The following ABI1 variants were observed in gnomAD, a reference collection of about 807,000 sequenced individuals.
ABI1 encodes Abelson interactor 1.
A neutral mutation model predicts 54.6 loss-of-function variants in ABI1; 14 were observed. The observed-to-expected ratio is 0.26, with a 90% CI of 0.17 to 0.40. The LOEUF (loss-of-function observed/expected upper bound fraction) is 0.40, where lower values mean the gene tolerates loss of function less well. ABI1 is among the 10% of genes least tolerant of loss of function. The pLI, the probability that ABI1 is intolerant of heterozygous loss-of-function variation, is 1.00. For synonymous variants in ABI1, 194 were observed against 209.3 expected, an observed-to-expected ratio of 0.93 and a Z score of 0.63; for missense variants, 443 against 598.3, an observed-to-expected ratio of 0.74 and a Z score of 2.71.
chr10:26,768,052 G>C (rs1392424562), intron 6 of ABI1, among the ~76,000 whole-genome samples: 1 of 150,768 alleles, frequency 6.6e-6, no homozygotes, highest in Non-Finnish European at 1.5e-5. Context: ...TCTCCAAAAA[G>C]ATAATAATAA....
chr10:26,773,668 C>A (rs1484633505), intron 3 of ABI1, among the ~76,000 whole-genome samples: 1 of 152,118 alleles, frequency 6.6e-6, no homozygotes, highest in African/African-American at 2.4e-5. Flanking sequence ...TGAGACGGCT[C>A]CAGCATTCTG....
At chr10:26,839,962 C>A (rs1430817517) in intron 1 of ABI1, among the ~76,000 whole-genome samples, 6 of 151,912 alleles carry the variant, frequency 3.9e-5, no homozygotes, top group African/African-American at 1.2e-4. Context: ...TGCACTCCAG[C>A]CGGGGTGACA....
At chr10:26,837,428 C>G (rs562993554) in intron 1 of ABI1, among the ~76,000 whole-genome samples, 136 of 144,456 alleles carry the variant, frequency 9.4e-4, no homozygotes, top group African/African-American at 3.0e-3. Flanking sequence ...GGCCCTAGCT[C>G]CAACACAGTC....
intron 1 of ABI1, among the ~76,000 whole-genome samples, chr10:26,847,303 C>T (rs2050054150): frequency 1.3e-5 from 2 of 152,100 alleles, no homozygotes; most frequent in Non-Finnish European, 2.9e-5. Flanking sequence ...AGAGTTATCA[C>T]CAGTTTGTCT....
chr10:26,842,976 G>A lies in ABI1; in HGVS notation c.117+17771C>T, dbSNP rs148667905. Among the ~76,000 whole-genome samples, 59 of 152,194 alleles carry A rather than the reference G, an allele frequency of 3.9e-4. No homozygotes were observed. The East Asian group carries it at 8.5e-3, about 22-fold the overall frequency. The stretch of plus-strand genomic sequence containing the variant: ...GGAGAACTGCTTGAACCCGGGAGGA[G>A]GAGGCTGCAGTGAACCAAGATCTAG... On this transcript the variant is annotated intron_variant, in intron 1 of 10. Coordinates refer to ENST00000376140, the MANE Select transcript of ABI1 (RefSeq NM_001012750.3).
At chr10:26,808,015 C>A (rs1588939562) in intron 2 of ABI1, among the ~76,000 whole-genome samples, 1 of 152,182 alleles carries the variant, frequency 6.6e-6, no homozygotes, top group Non-Finnish European at 1.5e-5. Flanking sequence ...TTGCTTGAAC[C>A]CAGGAGGCAG....
Position 26,777,239 on chromosome 10 carries a change from A to C in ABI1, c.288T>G (p.Thr96=). 1 of 1,602,110 alleles carries C rather than the reference A, an allele frequency of 6.2e-7. No homozygotes were observed. Among genetic ancestry groups the C allele is most frequent in the Non-Finnish European group, 8.5e-7 (1 of 1,175,580 alleles). The change falls in exon 3 of 11, where the codon ACT becomes ACG. Residue 96 remains threonine, a splice_region_variant and synonymous_variant. Coordinates refer to ENST00000376140, the MANE Select transcript of ABI1 (RefSeq NM_001012750.3). ...CCACTTTCTCCTTATGAATATCCAC[A>C]GTCTATATTTTAATTTGAACAAAAC... is the stretch of plus-strand genomic sequence containing the variant. ...MESSINHISQ[T]VDIHKEKVAR...
chr10:26,747,415 C>T lies in ABI1; in HGVS notation c.*1155G>A, dbSNP rs569114577. Reference sequence around the variant, plus strand: ...GTTCACTGATTAATACATGACCCACCTTCTTTCCCAATTATTTTATTTTAA... The same window carrying T: ...GTTCACTGATTAATACATGACCCACTTTCTTTCCCAATTATTTTATTTTAA... On this transcript the variant is annotated 3_prime_UTR_variant, in exon 11 of 11. Transcript: ENST00000376140. The T allele has an allele frequency of 1.8e-4, 39 of 221,614 alleles. No individual in the cohort carries two copies. The South Asian group carries it at 7.0e-3, about 40-fold the overall frequency. 13.7% of individuals were successfully genotyped at this position (221,614 alleles called of 1,614,324 possible). A position where few individuals can be genotyped will look rare whatever the true frequency, so the allele number is the denominator to read the frequency against.
intron 1 of ABI1, among the ~76,000 whole-genome samples, chr10:26,856,573 C>T (rs113811952): frequency 2.2e-4 from 33 of 151,602 alleles, no homozygotes; most frequent in African/African-American, 8.0e-4. Context: ...ATTAAATGTG[C>T]TAATGAAGCA....
chr10:26,761,458 A>G (rs566505280), intron 7 of ABI1, among the ~76,000 whole-genome samples: 82 of 151,440 alleles, frequency 5.4e-4, no homozygotes, highest in African/African-American at 1.9e-3. Context: ...CATGTGAATT[A>G]TACACATACA....
intron 2 of ABI1, among the ~76,000 whole-genome samples, chr10:26,822,790 A>C (rs11015317): frequency 0.016 from 2,393 of 152,294 alleles, 53 homozygotes; most frequent in African/African-American, 0.054. Flanking sequence ...ACATGGGTAT[A>C]CATGTGTGTC....
At chr10:26,796,831 GT>G (rs1236350049) in intron 2 of ABI1, among the ~76,000 whole-genome samples, 1 of 152,186 alleles carries the variant, frequency 6.6e-6, no homozygotes, top group African/African-American at 2.4e-5. Flanking sequence ...CAGGCGAATG[GT>G]TTTGGGATTA....
At chr10:26,798,937 C>T (rs10764642) in intron 2 of ABI1, among the ~76,000 whole-genome samples, 22,419 of 151,848 alleles carry the variant, frequency 0.15, 2,162 homozygotes, top group African/African-American at 0.28. Context: ...AGCATGTACA[C>T]ATGTAACAAA....
chr10:26,816,674 A>C, intron 2 of ABI1, among the ~76,000 whole-genome samples: 1 of 152,238 alleles, frequency 6.6e-6, no homozygotes, highest in East Asian at 1.9e-4. Context: ...AATGTTTTAC[A>C]TTATGGTATA....
At chr10:26,846,226 T>G (rs1189488716) in intron 1 of ABI1, among the ~76,000 whole-genome samples, 1 of 151,942 alleles carries the variant, frequency 6.6e-6, no homozygotes, top group African/African-American at 2.4e-5. Context: ...TGTTCTGAAC[T>G]CCTTCCAATC....
At chr10:26,803,566 T>G (rs2046693572) in intron 2 of ABI1, among the ~76,000 whole-genome samples, 1 of 152,212 alleles carries the variant, frequency 6.6e-6, no homozygotes, top group East Asian at 1.9e-4. Context: ...TTTCCCAAAT[T>G]TTGACTTTTT....
chr10:26,761,793 C>T (rs1253874957), intron 7 of ABI1, among the ~76,000 whole-genome samples: 1 of 151,014 alleles, frequency 6.6e-6, no homozygotes, highest in Non-Finnish European at 1.5e-5. Flanking sequence ...TTCAAAAATT[C>T]ATCCATGTGG....
chr10:26,842,231 T>C (rs751955087), intron 1 of ABI1, among the ~76,000 whole-genome samples: 5 of 152,216 alleles, frequency 3.3e-5, no homozygotes, highest in Non-Finnish European at 1.5e-5. Context: ...TATGTCTTCT[T>C]TGAAAAAACA....
Position 26,860,027 on chromosome 10 carries a change from A to G in ABI1, c.117+720T>C, listed in dbSNP as rs1042354300. 2.4e-4 allele frequency among the ~76,000 whole-genome samples: 37 copies of G among 152,286 alleles called. No homozygotes were observed. The highest frequency in any genetic ancestry group is 3.4e-3 in the Middle Eastern group (1 of 294). ...TAAAAAAAACCCGACTTGAAAATGGACAAGCAGACAGATTTACAAACCTTC... is the reference window on the plus strand; with the variant it reads ...TAAAAAAAACCCGACTTGAAAATGGGCAAGCAGACAGATTTACAAACCTTC... On this transcript the variant is annotated intron_variant, in intron 1 of 10. Transcript: ENST00000376140. This position sits in a 1 kb window ranked among gnomAD's most constrained non-coding sequence, Gnocchi z 4.1.
Sources: allele counts gnomAD v4.1 joint callset (sites outside exome capture counted in the v4.1 genomes callset), GRCh38; gene constraint gnomAD v4.1.1; non-coding constraint Gnocchi (gnomAD v3.1); transcripts MANE v1.5; gene names NCBI Gene and HGNC (gene_info 2026-07-23, HGNC 2026-07-21).